WDR1: variants seen among roughly 807,000 people sequenced by gnomAD.
WDR1 encodes the protein WD repeat domain 1.
In WDR1, 21 loss-of-function variants were observed where a neutral mutation model predicts 71.9. The ratio of observed to expected loss-of-function variants is 0.29; its 90% CI spans 0.21 to 0.42. The LOEUF is 0.42. Among genes scored for constraint, WDR1 ranks in the 10% least tolerant of loss-of-function variants. The pLI, the probability that WDR1 is intolerant of heterozygous loss-of-function variation, is 1.00. For synonymous variants in WDR1, 424 were observed against 347.4 expected (o/e 1.22, Z -2.45); for missense variants, 696 against 824.5 (o/e 0.84, Z 1.91).
intron 1 of WDR1, 38 bp from the exon 2 acceptor site, chr4:10,116,272 G>GGGCGGGGAC (rs750006554): frequency 6.2e-6 from 10 of 1,612,082 alleles, no homozygotes; most frequent in South Asian, 2.2e-5. Context: ...TGTCAGGGCA[G>GGGCGGGGAC]GGCGGGGACG....
At chr4:10,081,554 T>C (rs957401431) in intron 10 of WDR1, 110 bp from the exon 11 acceptor site, 2 of 918,832 alleles carry the variant, frequency 2.2e-6, no homozygotes, top group African/African-American at 1.6e-5. Context: ...GGCAATTCTA[T>C]TGCCACCTAT....
At chr4:10,076,524 G>T (rs1764802538) in intron 14 of WDR1, 1 of 152,276 alleles carries the variant, frequency 6.6e-6, no homozygotes, top group African/African-American at 2.4e-5. Context: ...CTCACTACCA[G>T]ACTGGCGATT....
At chr4:10,093,055 C>G (rs1008685048) in intron 5 of WDR1, 1 of 1,289,458 alleles carries the variant, frequency 7.8e-7, no homozygotes, top group African/African-American at 1.5e-5. Flanking sequence ...CCGAGGAAAC[C>G]GAGGCTTGAA....
At chr4:10,103,603 A>G (rs1440311735) in intron 3 of WDR1, among the ~76,000 whole-genome samples, 1 of 152,186 alleles carries the variant, frequency 6.6e-6, no homozygotes, top group Non-Finnish European at 1.5e-5. Flanking sequence ...AAAAGAAAAA[A>G]AACCTCACGT....
chr4:10,102,266 T>C (rs12499240), intron 3 of WDR1, among the ~76,000 whole-genome samples: 100,761 of 152,140 alleles, frequency 0.66, 34,068 homozygotes, highest in Middle Eastern at 0.76. Flanking sequence ...AGAGAAAATT[T>C]GGGCCCAGGA....
chr4:10,074,498 A>G lies in WDR1; in HGVS notation c.*880T>C, dbSNP rs534331162. ...ATCACGGTGCTTTATACTTACTTTT[A>G]ATTTCTGCACTGAAAAAGAAAAGGA... On this transcript the variant is annotated 3_prime_UTR_variant, in exon 15 of 15. Transcript: ENST00000499869. 1 of 152,762 alleles carries G rather than the reference A, an allele frequency of 6.5e-6. No individual in the cohort carries two copies. The highest frequency in any genetic ancestry group is 1.9e-4 in the East Asian group (1 of 5,188). 9.5% of individuals were successfully genotyped at this position (152,762 alleles called of 1,614,324 possible). A position where few individuals can be genotyped will look rare whatever the true frequency, so the allele number is the denominator to read the frequency against.
intron 2 of WDR1, among the ~76,000 whole-genome samples, chr4:10,105,377 G>A (rs1311082712): frequency 6.6e-6 from 1 of 152,180 alleles, no homozygotes; most frequent in East Asian, 1.9e-4. Flanking sequence ...TCATCCCTAA[G>A]ACTTAACACA....
intron 3 of WDR1, among the ~76,000 whole-genome samples, chr4:10,102,179 C>T (rs1401571032): frequency 1.3e-5 from 2 of 152,340 alleles, no homozygotes; most frequent in South Asian, 2.1e-4. Context: ...ATTAGTGCAA[C>T]AGCCATGCTG....
chr4:10,106,067 T>A (rs968415149), intron 2 of WDR1, among the ~76,000 whole-genome samples: 2 of 131,624 alleles, frequency 1.5e-5, no homozygotes, highest in Non-Finnish European at 3.1e-5. Flanking sequence ...GCAACCCCAA[T>A]GACAGAAAGC....
At chr4:10,105,025 C>T (rs1448398600) in intron 2 of WDR1, among the ~76,000 whole-genome samples, 1 of 152,318 alleles carries the variant, frequency 6.6e-6, no homozygotes, top group East Asian at 1.9e-4. Flanking sequence ...TTCCTGCCCA[C>T]CTTCTGCCAT....
At position 10,097,792 on chromosome 4, in the gene WDR1, T is replaced by C. The variant is rs561790025; in HGVS notation, c.477A>G (p.Pro159=). The part of the protein sequence containing the change: ...INSVDIKQSR[P]YRLATGSDDN... ...CATCGCTTCCCGTGGCCAGCCGGTA[T>C]GGCCGGCTCTGCTTGATGTCCACGC... The change falls in exon 5 of 15, where the codon CCA becomes CCG. Residue 159 remains proline (P), a synonymous_variant. Transcript: ENST00000499869. 2 of 1,613,748 alleles carry C rather than the reference T, an allele frequency of 1.2e-6. No homozygotes were observed. Among genetic ancestry groups the C allele is most frequent in the African/African-American group, 2.7e-5 (2 of 74,986 alleles).
intron 3 of WDR1, among the ~76,000 whole-genome samples, chr4:10,102,808 C>A (rs1308241630): frequency 2.0e-5 from 3 of 152,186 alleles, no homozygotes; most frequent in African/African-American, 7.2e-5. Flanking sequence ...TGGTGCTTAG[C>A]TCTCTCAGCA....
chr4:10,110,167 A>G (rs189490257), intron 2 of WDR1, among the ~76,000 whole-genome samples: 1 of 152,270 alleles, frequency 6.6e-6, no homozygotes, highest in East Asian at 1.9e-4. Flanking sequence ...GTGACAAGCA[A>G]GGTGACCAAA....
intron 11 of WDR1, 47 bp downstream of exon 11, chr4:10,081,310 A>G (rs751776047): frequency 5.7e-6 from 9 of 1,580,580 alleles, no homozygotes; most frequent in Non-Finnish European, 4.3e-6. Flanking sequence ...GCAAGCAGGC[A>G]CCACACAGCT....
At chr4:10,099,173 G>A in intron 3 of WDR1, 34 bp from the exon 4 acceptor site, 3 of 1,252,524 alleles carry the variant, frequency 2.4e-6, no homozygotes, top group Non-Finnish European at 3.4e-6. Context: ...AGGGGGGGAG[G>A]CGGTGGTGGG....
At chr4:10,079,378 A>G (rs1012518092) in intron 11 of WDR1, among the ~76,000 whole-genome samples, 12 of 152,264 alleles carry the variant, frequency 7.9e-5, no homozygotes, top group African/African-American at 2.9e-4. Flanking sequence ...GGCACGTGCC[A>G]GCGCTCTGCT....
chr4:10,077,085 G>C, intron 14 of WDR1: 1 of 587,178 alleles, frequency 1.7e-6, no homozygotes, highest in Non-Finnish European at 3.0e-6. Flanking sequence ...CAGCTCAGCA[G>C]GTGTCCTGTG....
At chr4:10,111,785 C>T (rs542696342) in intron 2 of WDR1, among the ~76,000 whole-genome samples, 2 of 151,810 alleles carry the variant, frequency 1.3e-5, no homozygotes, top group African/African-American at 4.8e-5. Flanking sequence ...AAGAGTGAGC[C>T]CAATACCCTC....
intron 2 of WDR1, 103 bp downstream of exon 2, chr4:10,116,010 C>T: frequency 3.4e-6 from 5 of 1,481,740 alleles, no homozygotes; most frequent in Middle Eastern, 2.0e-4. Flanking sequence ...CCCTCACCCT[C>T]CCCGGGCCAA....
Sources: gnomAD v4.1 joint callset for allele counts (sites outside exome capture counted in the v4.1 genomes callset) on GRCh38, gnomAD v4.1.1 for gene constraint, MANE v1.5 for transcripts, NCBI Gene and HGNC (gene_info 2026-07-23, HGNC 2026-07-21) for gene names.